Variants in RGL1 observed in about 807,000 individuals in gnomAD.
The protein encoded by RGL1 is ral guanine nucleotide dissociation stimulator-like 1.
RGL1 carries 24 observed loss-of-function variants against 95.2 expected under a neutral mutation model. The ratio of observed to expected loss-of-function variants is 0.25; its 90% CI spans 0.18 to 0.35. The LOEUF is 0.35. RGL1 is among the 10% of genes least tolerant of loss of function. RGL1 has a pLI of 1.00. For synonymous variants in RGL1, 329 were observed against 344.9 expected, an observed-to-expected ratio of 0.95 and a Z score of 0.51; for missense variants, 715 against 936.3, an observed-to-expected ratio of 0.76 and a Z score of 3.08.
intron 1 of RGL1, among the ~76,000 whole-genome samples, chr1:183,732,832 T>C (rs773554944): frequency 7.2e-5 from 11 of 152,194 alleles, no homozygotes; most frequent in African/African-American, 2.7e-4. Flanking sequence ...GTCCTTCCCA[T>C]AGGCTGAGTT....
intron 1 of RGL1, among the ~76,000 whole-genome samples, chr1:183,716,792 C>T (rs1160368227): frequency 1.3e-5 from 2 of 152,184 alleles, no homozygotes; most frequent in Non-Finnish European, 1.5e-5. Flanking sequence ...ATCCCAAATA[C>T]CTTCTTGCTC....
Position 183,907,833 on chromosome 1 carries a change from AT to A in RGL1, c.1562+733del, listed in dbSNP as rs557076634. On this transcript the variant is annotated intron_variant, in intron 14 of 17. Transcript: ENST00000360851. ...AGTGAGATCCTGTCTCTACAAAAAA[AT>A]ATCACTTAAAATATTAGCTGGGCAT... Among the ~76,000 whole-genome samples, 659 of 152,118 alleles carry A rather than the reference AT, an allele frequency of 4.3e-3. 2 individuals are homozygous for A. Among genetic ancestry groups the A allele is most frequent in the Non-Finnish European group, 7.0e-3 (475 of 67,986 alleles).
chr1:183,773,186 T>G (rs1351122961), intron 2 of RGL1, among the ~76,000 whole-genome samples: 1 of 152,150 alleles, frequency 6.6e-6, no homozygotes, highest in Non-Finnish European at 1.5e-5. Flanking sequence ...CCCTTATCAT[T>G]TTTTTCCTTC....
At chr1:183,727,325 G>T (rs149386640) in intron 1 of RGL1, among the ~76,000 whole-genome samples, 2 of 152,150 alleles carry the variant, frequency 1.3e-5, no homozygotes, top group East Asian at 3.9e-4. Flanking sequence ...TTATCATATT[G>T]TACCATAATC....
At chr1:183,862,372 G>GA (rs887167908) in intron 3 of RGL1, among the ~76,000 whole-genome samples, 1 of 151,280 alleles carries the variant, frequency 6.6e-6, no homozygotes, top group Non-Finnish European at 1.5e-5. Context: ...AATGGGAAAA[G>GA]AAAAAAAATT....
chr1:183,891,744 T>TG (rs1667432933), intron 8 of RGL1, among the ~76,000 whole-genome samples: 1 of 46,078 alleles, frequency 2.2e-5, no homozygotes, highest in South Asian at 6.6e-4. Flanking sequence ...TTTTTTTTTT[T>TG]TTTTTTTTTT....
chr1:183,688,747 T>TAA (rs1653769829), intron 1 of RGL1, among the ~76,000 whole-genome samples: 1 of 152,204 alleles, frequency 6.6e-6, no homozygotes, highest in South Asian at 2.1e-4. Context: ...GGAAGGTATG[T>TAA]TTTTAAGTAT....
intron 3 of RGL1, among the ~76,000 whole-genome samples, chr1:183,850,480 G>A (rs894074363): frequency 4.6e-5 from 7 of 152,086 alleles, no homozygotes; most frequent in African/African-American, 1.4e-4. Flanking sequence ...TAGTTTACTC[G>A]TAAGATGCAT....
intron 3 of RGL1, among the ~76,000 whole-genome samples, chr1:183,861,895 C>A (rs1665532061): frequency 6.6e-6 from 1 of 152,142 alleles, no homozygotes; most frequent in African/African-American, 2.4e-5. Context: ...TGATGGGAAG[C>A]TATGAGAGGG....
At chr1:183,831,605 T>C (rs893106514) in intron 2 of RGL1, among the ~76,000 whole-genome samples, 1 of 152,204 alleles carries the variant, frequency 6.6e-6, no homozygotes, top group Non-Finnish European at 1.5e-5. Flanking sequence ...TTACATGCTT[T>C]TATTGTATAT....
intron 2 of RGL1, among the ~76,000 whole-genome samples, chr1:183,775,209 C>T (rs1659528329): frequency 6.6e-6 from 1 of 152,200 alleles, no homozygotes. Context: ...AGAATCTAGA[C>T]TGAACCCCTG....
intron 2 of RGL1, among the ~76,000 whole-genome samples, chr1:183,810,284 AT>A (rs887812484): frequency 1.3e-5 from 2 of 152,016 alleles, no homozygotes; most frequent in African/African-American, 2.4e-5. Context: ...AAGTGAGGAT[AT>A]TTTTTTTACA....
rs1416309780 is a variant in RGL1 at position 183,920,228 on chromosome 1, G to T, written c.2005-1994G>T. ...TTTTTTGTATTTTTATTAGAGACGGGGTTTCACCATGTTGGCCAGGATGGT... is the reference window on the plus strand; with the variant it reads ...TTTTTTGTATTTTTATTAGAGACGGTGTTTCACCATGTTGGCCAGGATGGT... On this transcript the variant is annotated intron_variant, in intron 16 of 17. Transcript: ENST00000360851. Among the ~76,000 whole-genome samples the T allele has an allele frequency of 2.0e-5, 3 of 151,884 alleles. No individual in the cohort carries two copies. The East Asian group carries it at 5.8e-4, about 29-fold the overall frequency.
At chr1:183,681,607 G>A (rs1653218770) in intron 1 of RGL1, among the ~76,000 whole-genome samples, 1 of 152,162 alleles carries the variant, frequency 6.6e-6, no homozygotes, top group Non-Finnish European at 1.5e-5. Context: ...TTGCATCGAT[G>A]TTCATCAAAG....
chr1:183,928,265 G>A lies in RGL1; in HGVS notation c.*1973G>A, dbSNP rs1356156020. The A allele has an allele frequency of 6.6e-6, 1 of 151,572 alleles. No individual in the cohort carries two copies. The highest frequency in any genetic ancestry group is 1.5e-5 in the Non-Finnish European group (1 of 67,928). The allele number at this position is 151,572 out of a possible 1,614,324, so 9.4% of individuals were successfully genotyped here. Reference sequence around the variant, plus strand: ...CATCCTGTGTATTTATACTGTATATGTAGAGTCTAGATTTATATACTGCAA... The same window carrying A: ...CATCCTGTGTATTTATACTGTATATATAGAGTCTAGATTTATATACTGCAA... On this transcript the variant is annotated 3_prime_UTR_variant, in exon 18 of 18. Coordinates refer to ENST00000360851, the MANE Select transcript of RGL1 (RefSeq NM_001297671.3).
intron 1 of RGL1, among the ~76,000 whole-genome samples, chr1:183,661,384 C>T (rs1253104716): frequency 6.6e-6 from 1 of 152,082 alleles, no homozygotes; most frequent in Non-Finnish European, 1.5e-5. Context: ...ATATCACCAC[C>T]AATCCCACAG....
rs554669932 is a variant in RGL1, at chr1:183,685,696, A to G, written c.-33+49195A>G. ...ATAATAAGGTAAGCAGCTATAGATA[A>G]GTCAAAGCATGGCAAGTATATGATC... On this transcript the variant is annotated intron_variant, in intron 1 of 18. Transcript: ENST00000304685. Among the ~76,000 whole-genome samples, 6 of 152,344 alleles carry G rather than the reference A, an allele frequency of 3.9e-5. No individual in the cohort carries two copies. In the East Asian group the frequency reaches 1.2e-3, roughly 29 times the overall value.
chr1:183,922,188 A>G, intron 16 of RGL1, 34 bp from the exon 17 acceptor site: 1 of 1,557,648 alleles, frequency 6.4e-7, no homozygotes, highest in South Asian at 1.1e-5. Flanking sequence ...ACGTGAAGCT[A>G]AGTACTTTAC....
intron 1 of RGL1, among the ~76,000 whole-genome samples, chr1:183,676,849 A>G (rs1173573626): frequency 1.3e-5 from 2 of 151,014 alleles, no homozygotes; most frequent in East Asian, 4.0e-4. Flanking sequence ...CATCTGTAAT[A>G]TAAGCATATT....
Sources: allele counts gnomAD v4.1 joint callset (sites outside exome capture counted in the v4.1 genomes callset), GRCh38; gene constraint gnomAD v4.1.1; transcripts MANE v1.5; gene names NCBI Gene and HGNC (gene_info 2026-07-23, HGNC 2026-07-21).